Variants in GRM7 observed in about 807,000 individuals in gnomAD.
GRM7 encodes glutamate metabotropic receptor 7, also known as metabotropic glutamate receptor 7.
In GRM7, 35 loss-of-function variants were observed where a neutral mutation model predicts 84.5. The observed-to-expected ratio is 0.41, with a 90% CI of 0.32 to 0.55. The LOEUF (loss-of-function observed/expected upper bound fraction) is 0.55. Ranked by LOEUF, GRM7 falls within the 20% of genes least tolerant of loss-of-function variation. The probability of loss-of-function intolerance (pLI) is 0.19; values close to 1 mark genes in which losing one functional copy is unlikely to be tolerated. For synonymous variants in GRM7, 487 were observed against 455.1 expected (o/e 1.07, Z -0.89); for missense variants, 1,003 against 1,194.6 (o/e 0.84, Z 2.36).
chr3:6,940,926 T>C (rs1697870339), intron 1 of GRM7, among the ~76,000 whole-genome samples: 1 of 152,232 alleles, frequency 6.6e-6, no homozygotes, highest in Admixed American at 6.5e-5. Context: ...TGCAGCTGGC[T>C]GCTGCAGAAA....
intron 1 of GRM7, among the ~76,000 whole-genome samples, chr3:7,098,421 C>A (rs548440523): frequency 7.9e-5 from 12 of 152,048 alleles, no homozygotes; most frequent in Middle Eastern, 3.4e-3. Context: ...CTCATAGGGT[C>A]ACTTTGGAGT....
At chr3:7,737,989 A>C (rs1347498646) in intron 9 of GRM7, among the ~76,000 whole-genome samples, 2 of 152,008 alleles carry the variant, frequency 1.3e-5, no homozygotes, top group African/African-American at 4.8e-5. Flanking sequence ...CTGGGATTAC[A>C]GGCGCCCGCC....
At chr3:6,997,124 C>T (rs6776778) in intron 1 of GRM7, among the ~76,000 whole-genome samples, 2,102 of 152,028 alleles carry the variant, frequency 0.014, 61 homozygotes, top group African/African-American at 0.048. Context: ...ATTAATTGTT[C>T]CATAGCTCAT....
chr3:7,446,464 G>GTT (rs370257829), intron 5 of GRM7, among the ~76,000 whole-genome samples: 221 of 130,520 alleles, frequency 1.7e-3, no homozygotes, highest in African/African-American at 2.4e-3. Context: ...TTTTTTTTTT[G>GTT]TTTTTTTTTT....
At chr3:7,066,631 C>T (rs924113651) in intron 1 of GRM7, among the ~76,000 whole-genome samples, 3 of 151,812 alleles carry the variant, frequency 2.0e-5, no homozygotes, top group African/African-American at 7.3e-5. Context: ...TGACACTATT[C>T]CACAAGATAG....
chr3:7,166,595 C>A (rs1454801834), intron 2 of GRM7, among the ~76,000 whole-genome samples: 2 of 151,830 alleles, frequency 1.3e-5, no homozygotes, highest in East Asian at 1.9e-4. Context: ...CAGTGACAGA[C>A]CTGGGACTCT....
intron 7 of GRM7, among the ~76,000 whole-genome samples, chr3:7,527,966 G>A (rs768556163): frequency 3.3e-5 from 5 of 151,740 alleles, no homozygotes; most frequent in South Asian, 4.2e-4. Flanking sequence ...TGTTAATCAG[G>A]GGTACTGACA....
chr3:6,969,905 A>G (rs1693675337), intron 1 of GRM7, among the ~76,000 whole-genome samples: 1 of 152,038 alleles, frequency 6.6e-6, no homozygotes, highest in Non-Finnish European at 1.5e-5. Flanking sequence ...GCAATTGTCA[A>G]CTCTTGTTTC....
intron 1 of GRM7, among the ~76,000 whole-genome samples, chr3:6,881,898 T>A (rs1263476912): frequency 6.7e-6 from 1 of 149,346 alleles, no homozygotes; most frequent in Admixed American, 6.8e-5. Flanking sequence ...GCCACAATGA[T>A]CGATTAGTCT....
intron 9 of GRM7, among the ~76,000 whole-genome samples, chr3:7,707,930 ATTTTT>A (rs34344224): frequency 8.1e-6 from 1 of 123,686 alleles, no homozygotes; most frequent in Non-Finnish European, 1.7e-5. Flanking sequence ...GAAGCTTTCA[ATTTTT>A]TTTTTTTTTT....
At chr3:7,471,061 A>G (rs1698680847) in intron 7 of GRM7, among the ~76,000 whole-genome samples, 1 of 151,752 alleles carries the variant, frequency 6.6e-6, no homozygotes, top group Non-Finnish European at 1.5e-5. Context: ...TCTTTATTTA[A>G]AAAAAGTAAA....
chr3:7,103,766 C>CTCTTTCT (rs1559443363), intron 1 of GRM7, among the ~76,000 whole-genome samples: 1 of 61,056 alleles, frequency 1.6e-5, no homozygotes, highest in African/African-American at 1.2e-4. Context: ...TTCTTTCTTT[C>CTCTTTCT]TTTCTTTCTT....
chr3:7,005,642 ATAGT>A (rs1175019300), intron 1 of GRM7, among the ~76,000 whole-genome samples: 2 of 152,198 alleles, frequency 1.3e-5, no homozygotes, highest in Non-Finnish European at 2.9e-5. Context: ...TTAGATATTG[ATAGT>A]TAGCCATTGT....
chr3:7,489,655 C>T (rs1699449982), intron 7 of GRM7, among the ~76,000 whole-genome samples: 1 of 152,022 alleles, frequency 6.6e-6, no homozygotes, highest in African/African-American at 2.4e-5. Flanking sequence ...CATGACTCAT[C>T]ATTTTGTGTG....
intron 8 of GRM7, among the ~76,000 whole-genome samples, chr3:7,644,728 T>C (rs1052140013): frequency 6.6e-6 from 1 of 152,176 alleles, no homozygotes; most frequent in African/African-American, 2.4e-5. Flanking sequence ...TTATCTGGAT[T>C]TTTCCATATA....
chr3:7,683,055 T>G (rs1243369724), intron 9 of GRM7, among the ~76,000 whole-genome samples: 1 of 152,230 alleles, frequency 6.6e-6, no homozygotes, highest in Non-Finnish European at 1.5e-5. Flanking sequence ...GCTCCTCTGT[T>G]TCTTAGAATA....
chr3:7,511,498 C>T (rs999159203), intron 7 of GRM7, among the ~76,000 whole-genome samples: 1 of 150,074 alleles, frequency 6.7e-6, no homozygotes, highest in Non-Finnish European at 1.5e-5. Context: ...TGAGTGGACC[C>T]CTCATTACAG....
chr3:7,198,892 T>C (rs920575714), intron 2 of GRM7, among the ~76,000 whole-genome samples: 3 of 152,140 alleles, frequency 2.0e-5, no homozygotes, highest in African/African-American at 7.2e-5. Context: ...GGTGGTGAGG[T>C]TGAACAGAGG....
chr3:7,724,817 G>A (rs1186596670), intron 9 of GRM7, among the ~76,000 whole-genome samples: 2 of 152,168 alleles, frequency 1.3e-5, no homozygotes, highest in African/African-American at 4.8e-5. Flanking sequence ...AGAGTGCAGT[G>A]GCACAATCAT....
Sources: gnomAD v4.1 joint callset for allele counts (sites outside exome capture counted in the v4.1 genomes callset) on GRCh38, gnomAD v4.1.1 for gene constraint, MANE v1.5 for transcripts, NCBI Gene and HGNC (gene_info 2026-07-23, HGNC 2026-07-21) for gene names.